The following MSN variants were observed in gnomAD, a reference collection of about 807,000 sequenced individuals.
MSN encodes the protein moesin.
In MSN, 2 loss-of-function variants were observed where a neutral mutation model predicts 48.0. The observed-to-expected ratio is 0.04, with a 90% CI of 0.02 to 0.13. The LOEUF (loss-of-function observed/expected upper bound fraction) is 0.13. MSN is among the 10% of genes least tolerant of loss of function. MSN has a pLI of 1.00. For missense variants in MSN, 267 were observed against 470.1 expected (o/e 0.57, Z 3.99); for synonymous variants, 146 against 166.9 (o/e 0.87, Z 0.97).
intron 1 of MSN, among the ~76,000 whole-genome samples, chrX:65,628,674 G>T (rs1263208263): frequency 1.8e-5 from 2 of 111,835 alleles, no homozygotes; most frequent in Non-Finnish European, 3.8e-5. Context: ...AATTTCTGCA[G>T]CAAGCTTCAA....
rs1172975160 is a variant in MSN, at chrX:65,741,567, C to T, written c.*1674C>T. On this transcript the variant is annotated 3_prime_UTR_variant, in exon 13 of 13. Transcript: ENST00000360270. Reference sequence around the variant, plus strand: ...TACTGTTTGTCTTCTCCCCAGGGTTCAGTCCTCAAGGGGCCATCCTGTCCC... The same window carrying T: ...TACTGTTTGTCTTCTCCCCAGGGTTTAGTCCTCAAGGGGCCATCCTGTCCC... The T allele has an allele frequency of 2.4e-5, 4 of 169,374 alleles. No individual in the cohort carries two copies. The highest frequency in any genetic ancestry group is 1.7e-4 in the East Asian group (2 of 11,925). 14.0% of individuals were successfully genotyped at this position (169,374 alleles called of 1,213,427 possible).
intron 8 of MSN, 22 bp downstream of exon 8, chrX:65,735,452 G>C (rs890987951): frequency 1.7e-6 from 2 of 1,183,554 alleles, no homozygotes; most frequent in Admixed American, 2.3e-5. Flanking sequence ...ACACTGATGT[G>C]GGGGGCCAGG....
chrX:65,646,901 C>A (rs958139036), intron 1 of MSN, among the ~76,000 whole-genome samples: 4 of 111,217 alleles, frequency 3.6e-5, no homozygotes, highest in Non-Finnish European at 5.7e-5. Flanking sequence ...GAGCCGAGAT[C>A]GCACCATTGC....
At chrX:65,699,068 C>T (rs1305858087) in intron 1 of MSN, among the ~76,000 whole-genome samples, 2 of 111,997 alleles carry the variant, frequency 1.8e-5, no homozygotes, top group Non-Finnish European at 3.8e-5. Flanking sequence ...TGAGCTACAG[C>T]CTCCCTTCAA....
chrX:65,735,232 C>G (rs1404747178), intron 7 of MSN, 35 bp from the exon 8 acceptor site: 1 of 1,201,550 alleles, frequency 8.3e-7, no homozygotes, highest in South Asian at 1.8e-5. Context: ...TCACCTGTCC[C>G]TCCAAATTCT....
chrX:65,649,008 T>C (rs2070717931), intron 1 of MSN, among the ~76,000 whole-genome samples: 1 of 110,737 alleles, frequency 9.0e-6, no homozygotes, highest in Non-Finnish European at 1.9e-5. Flanking sequence ...TGTCCGTAAG[T>C]GGCCAAGTGA....
chrX:65,669,951 A>G (rs1473725798), intron 1 of MSN, among the ~76,000 whole-genome samples: 2 of 111,937 alleles, frequency 1.8e-5, no homozygotes, highest in Admixed American at 9.5e-5. Context: ...TGCTCATCTC[A>G]TTGACCCTTT....
intron 1 of MSN, among the ~76,000 whole-genome samples, chrX:65,660,654 C>T (rs2070815730): frequency 1.8e-5 from 2 of 108,592 alleles, no homozygotes; most frequent in East Asian, 2.9e-4. Flanking sequence ...GCAACCTCCA[C>T]CTCCTGGGTT....
intron 1 of MSN, among the ~76,000 whole-genome samples, chrX:65,660,947 G>A (rs2070818446): frequency 9.0e-6 from 1 of 110,761 alleles, no homozygotes; most frequent in Non-Finnish European, 1.9e-5. Flanking sequence ...TATGATAGAT[G>A]GCTCTTTTAT....
chrX:65,633,968 C>T (rs2070578613), intron 1 of MSN, among the ~76,000 whole-genome samples: 1 of 111,549 alleles, frequency 9.0e-6, no homozygotes, highest in Non-Finnish European at 1.9e-5. Flanking sequence ...CAGTGTCTTA[C>T]CACCAGACCA....
chrX:65,696,142 G>C (rs955684158), intron 1 of MSN, among the ~76,000 whole-genome samples: 1 of 109,827 alleles, frequency 9.1e-6, no homozygotes, highest in Admixed American at 9.8e-5. Context: ...CTCTGCCCTT[G>C]CTGTATAGAA....
At chrX:65,668,125 G>T (rs1450754538) in intron 1 of MSN, among the ~76,000 whole-genome samples, 1 of 112,669 alleles carries the variant, frequency 8.9e-6, no homozygotes, top group Non-Finnish European at 1.9e-5. Flanking sequence ...CAGTCAGGAC[G>T]GCTTCGTTGG....
intron 1 of MSN, among the ~76,000 whole-genome samples, chrX:65,615,065 T>C (rs1450048414): frequency 1.9e-5 from 2 of 105,557 alleles, no homozygotes; most frequent in African/African-American, 3.5e-5. Context: ...TAGTATTCCA[T>C]GGTGTATATG....
intron 1 of MSN, among the ~76,000 whole-genome samples, chrX:65,637,918 G>A (rs1234423659): frequency 1.8e-5 from 2 of 111,147 alleles, no homozygotes; most frequent in African/African-American, 6.5e-5. Flanking sequence ...TTATTATTTA[G>A]CACTTATTAC....
chrX:65,724,874 A>G (rs1224748735), intron 2 of MSN, among the ~76,000 whole-genome samples: 2 of 110,598 alleles, frequency 1.8e-5, no homozygotes, highest in Non-Finnish European at 3.8e-5. Flanking sequence ...TTTTTAGTAG[A>G]GACCAGGTTT....
intron 2 of MSN, among the ~76,000 whole-genome samples, chrX:65,717,416 TG>T (rs1465996316): frequency 1.8e-5 from 2 of 111,890 alleles, no homozygotes; most frequent in Non-Finnish European, 3.8e-5. Flanking sequence ...CTCAAAAGAA[TG>T]TTGGGACTTA....
At chrX:65,638,091 C>T (rs767585432) in intron 1 of MSN, among the ~76,000 whole-genome samples, 5 of 112,238 alleles carry the variant, frequency 4.5e-5, no homozygotes, top group African/African-American at 6.5e-5. Context: ...ATATTCATTG[C>T]GTAAAATTCA....
chrX:65,651,017 G>A (rs1385709145), intron 1 of MSN, among the ~76,000 whole-genome samples: 2 of 111,592 alleles, frequency 1.8e-5, no homozygotes, highest in South Asian at 3.8e-4. Flanking sequence ...CTGTGCCCAC[G>A]CGGGTAATCT....
chrX:65,726,794 A>G (rs2071571802), intron 2 of MSN, among the ~76,000 whole-genome samples: 1 of 111,572 alleles, frequency 9.0e-6, no homozygotes, highest in African/African-American at 3.3e-5. Flanking sequence ...AACAAAATAA[A>G]AAAGACTGCC....
Sources: gnomAD v4.1 joint callset for allele counts (sites outside exome capture counted in the v4.1 genomes callset) on GRCh38, gnomAD v4.1.1 for gene constraint, MANE v1.5 for transcripts, NCBI Gene and HGNC (gene_info 2026-07-23, HGNC 2026-07-21) for gene names.